Variants in WDR47 observed in about 807,000 individuals in gnomAD.
The protein encoded by WDR47 is WD repeat domain 47.
WDR47 carries 32 observed loss-of-function variants against 97.2 expected under a neutral mutation model. That is an observed-to-expected ratio of 0.33 (90% CI 0.25 to 0.44). The LOEUF is 0.44. Ranked by LOEUF, WDR47 falls within the 20% of genes least tolerant of loss-of-function variation. WDR47 has a pLI of 1.00. For synonymous variants in WDR47, 375 were observed against 373.5 expected, an observed-to-expected ratio of 1.00 and a Z score of -0.05; for missense variants, 782 against 1,102.3, an observed-to-expected ratio of 0.71 and a Z score of 4.11.
chr1:109,021,902 C>T (rs577639660), intron 2 of WDR47, among the ~76,000 whole-genome samples: 15 of 151,906 alleles, frequency 9.9e-5, no homozygotes, highest in Non-Finnish European at 2.2e-4. Flanking sequence ...GGCTGGAGTA[C>T]AGTGGCACCA....
chr1:109,037,645 A>C (rs1051160821), intron 1 of WDR47, among the ~76,000 whole-genome samples: 3 of 151,742 alleles, frequency 2.0e-5, no homozygotes, highest in Admixed American at 6.6e-5. Flanking sequence ...AAAAAAAAAA[A>C]ACCAACCCAA....
intron 5 of WDR47, 133 bp from the exon 6 acceptor site, chr1:109,004,848 T>C (rs1159425814): frequency 1.8e-6 from 2 of 1,127,578 alleles, no homozygotes; most frequent in Non-Finnish European, 2.3e-6. Flanking sequence ...CCGACTGGAG[T>C]GACGCAATCT....
intron 8 of WDR47, among the ~76,000 whole-genome samples, chr1:108,993,213 T>C (rs1659494950): frequency 6.6e-6 from 1 of 151,738 alleles, no homozygotes; most frequent in Non-Finnish European, 1.5e-5. Flanking sequence ...TAGTCCCAGC[T>C]AGTAGGGTAG....
chr1:108,987,819 A>T (rs190845490), intron 9 of WDR47, among the ~76,000 whole-genome samples: 1 of 152,232 alleles, frequency 6.6e-6, no homozygotes, highest in Non-Finnish European at 1.5e-5. Context: ...TTCTGACAGC[A>T]GTCTCCATAT....
At chr1:108,997,847 A>G (rs1659880996) in intron 7 of WDR47, among the ~76,000 whole-genome samples, 1 of 152,086 alleles carries the variant, frequency 6.6e-6, no homozygotes, top group Non-Finnish European at 1.5e-5. Flanking sequence ...ACCCAAAACT[A>G]ACCCAGCATC....
rs1219433668 is a variant in WDR47, at chr1:109,029,671, C to CAAAA, written c.-9-6151_-9-6150insTTTT. On this transcript the variant is annotated intron_variant, in intron 1 of 14. Coordinates refer to ENST00000369962, the MANE Select transcript of WDR47 (RefSeq NM_001142551.2). Reference sequence around the variant, plus strand: ...TGGGTGACAGAGCGAGACTCTGTCTCTAAATAAATAAATAAATAAATAAAT... The same window carrying CAAAA: ...TGGGTGACAGAGCGAGACTCTGTCTCAAAATAAATAAATAAATAAATAAATAAAT... Among the ~76,000 whole-genome samples the CAAAA allele has an allele frequency of 5.2e-3, 725 of 140,664 alleles. 3 individuals carry two copies. Among genetic ancestry groups the CAAAA allele is most frequent in the African/African-American group, 0.01 (377 of 37,546 alleles). 92.3% of individuals were successfully genotyped at this position (140,664 alleles called of 152,430 possible). A position where few individuals can be genotyped will look rare whatever the true frequency, so the allele number is the denominator to read the frequency against.
At chr1:108,983,849 CAT>C (rs979226115) in intron 10 of WDR47, among the ~76,000 whole-genome samples, 13 of 151,680 alleles carry the variant, frequency 8.6e-5, no homozygotes, top group Non-Finnish European at 1.8e-4. Flanking sequence ...ATGTAATAAA[CAT>C]ATAATGTGAG....
chr1:109,035,724 G>A (rs762777967), intron 1 of WDR47, among the ~76,000 whole-genome samples: 64 of 151,780 alleles, frequency 4.2e-4, no homozygotes, highest in African/African-American at 1.5e-3. Context: ...TCGAACTCCC[G>A]ACCTCAGGTG....
At chr1:109,002,475 T>C in intron 6 of WDR47, 73 bp from the exon 7 acceptor site, 2 of 1,172,990 alleles carry the variant, frequency 1.7e-6, no homozygotes, top group Non-Finnish European at 2.3e-6. Context: ...GTACCTTTTA[T>C]AAATGCTGAA....
At chr1:108,991,221 A>T (rs763075968) in intron 9 of WDR47, 33 bp downstream of exon 9, 3 of 1,581,892 alleles carry the variant, frequency 1.9e-6, no homozygotes, top group Non-Finnish European at 2.6e-6. Flanking sequence ...GGTGCATATG[A>T]AAACAATAAA....
At chr1:109,034,244 C>T (rs34096352) in intron 1 of WDR47, among the ~76,000 whole-genome samples, 4,702 of 152,320 alleles carry the variant, frequency 0.031, 245 homozygotes, top group African/African-American at 0.11. Context: ...GCTGGGATCA[C>T]GCCATTGCCC....
intron 10 of WDR47, 100 bp from the exon 11 acceptor site, chr1:108,983,551 C>T (rs1282518292): frequency 7.8e-6 from 8 of 1,019,642 alleles, no homozygotes; most frequent in African/African-American, 5.0e-5. Context: ...GGAGAAAAAG[C>T]GTGTCAGACA....
At chr1:108,989,267 G>A (rs889474422) in intron 9 of WDR47, among the ~76,000 whole-genome samples, 1 of 152,212 alleles carries the variant, frequency 6.6e-6, no homozygotes, top group Non-Finnish European at 1.5e-5. Flanking sequence ...TGAGAAGTAT[G>A]AATGTCAAGT....
chr1:109,011,328 A>G lies in WDR47; in HGVS notation c.718T>C (p.Leu240=). The G allele has an allele frequency of 6.2e-7, 1 of 1,614,250 alleles. No individual in the cohort carries two copies. The highest frequency in any genetic ancestry group is 8.5e-7 in the Non-Finnish European group (1 of 1,180,052). The change falls in exon 5 of 15, where the codon TTG becomes CTG. Residue 240 remains leucine, a synonymous_variant. Transcript: ENST00000369962. Reference sequence around the variant, plus strand: ...AGCCATGACAGTAAACTCAGATCCAAATCATCACAACCATTACCACATAAG... The same window carrying G: ...AGCCATGACAGTAAACTCAGATCCAGATCATCACAACCATTACCACATAAG... ...DLLCGNGCDD[L]DLSLLSWLQN...
intron 13 of WDR47, among the ~76,000 whole-genome samples, chr1:108,977,421 T>C (rs1657995728): frequency 6.6e-6 from 1 of 152,044 alleles, no homozygotes; most frequent in African/African-American, 2.4e-5. Context: ...CCCAAAGTGC[T>C]GGAATTACAG....
At chr1:108,997,609 A>C (rs535742059) in intron 7 of WDR47, among the ~76,000 whole-genome samples, 1 of 151,592 alleles carries the variant, frequency 6.6e-6, no homozygotes, top group South Asian at 2.1e-4. Context: ...ACAAAAAAAA[A>C]ATTAGCCAGG....
intron 13 of WDR47, among the ~76,000 whole-genome samples, chr1:108,978,262 T>G (rs200849850): frequency 6.6e-6 from 1 of 150,414 alleles, no homozygotes; most frequent in African/African-American, 2.5e-5. Flanking sequence ...GATCACGAGG[T>G]CAGGAGATCG....
intron 14 of WDR47, among the ~76,000 whole-genome samples, chr1:108,972,981 C>T (rs67812736): frequency 0.11 from 16,090 of 150,028 alleles, 1,032 homozygotes; most frequent in African/African-American, 0.16. Context: ...AAAACCCTGC[C>T]TCTGATTTAT....
At chr1:109,023,953 A>G (rs185089814) in intron 1 of WDR47, among the ~76,000 whole-genome samples, 2 of 152,314 alleles carry the variant, frequency 1.3e-5, no homozygotes, top group African/African-American at 4.8e-5. Flanking sequence ...TAACCAAACC[A>G]TGTTTAGCTA....
Sources: gnomAD v4.1 joint callset for allele counts (sites outside exome capture counted in the v4.1 genomes callset) on GRCh38, gnomAD v4.1.1 for gene constraint, MANE v1.5 for transcripts, NCBI Gene and HGNC (gene_info 2026-07-23, HGNC 2026-07-21) for gene names.